The following SLC2A13 variants were observed in gnomAD, a reference collection of about 807,000 sequenced individuals.
SLC2A13 encodes the protein solute carrier family 2 member 13.
A neutral mutation model predicts 64.4 loss-of-function variants in SLC2A13; 32 were observed. That is an observed-to-expected ratio of 0.50 (90% CI 0.37 to 0.67). SLC2A13 has a LOEUF of 0.67. Among genes scored for constraint, SLC2A13 ranks in the 30% least tolerant of loss-of-function variants. The probability of loss-of-function intolerance (pLI) is 0.00; values close to 1 mark genes in which losing one functional copy is unlikely to be tolerated. For synonymous variants in SLC2A13, 338 were observed against 327.1 expected (o/e 1.03, Z -0.36); for missense variants, 743 against 829.2 (o/e 0.90, Z 1.28).
chr12:40,072,358 A>C (rs1439828142), intron 1 of SLC2A13, among the ~76,000 whole-genome samples: 2 of 152,116 alleles, frequency 1.3e-5, no homozygotes, highest in African/African-American at 2.4e-5. Flanking sequence ...AAGAATGTGT[A>C]TTCTGTTGTT....
At chr12:40,014,057 T>C (rs1947577573) in intron 3 of SLC2A13, among the ~76,000 whole-genome samples, 1 of 152,186 alleles carries the variant, frequency 6.6e-6, no homozygotes, top group Non-Finnish European at 1.5e-5. Flanking sequence ...GTACCTGATC[T>C]TATCTAGTAC....
At position 40,057,072 on chromosome 12, in the gene SLC2A13, A is replaced by G. The variant is rs1948344071; in HGVS notation, c.557-8862T>C. 1.3e-5 allele frequency among the ~76,000 whole-genome samples: 2 copies of G among 152,192 alleles called. 1 individual carries two copies. Among genetic ancestry groups the G allele is most frequent in the South Asian group, 4.1e-4 (2 of 4,836 alleles). ...AAAAGACAATAGACTAAAATTAAAT[A>G]GGGAAATGAGTAGCATAAGGAAGGA... On this transcript the variant is annotated intron_variant, in intron 1 of 9. Coordinates refer to ENST00000280871, the MANE Select transcript of SLC2A13 (RefSeq NM_052885.4).
chr12:39,898,446 T>C (rs1230539079), intron 4 of SLC2A13, among the ~76,000 whole-genome samples: 1 of 152,130 alleles, frequency 6.6e-6, no homozygotes, highest in Non-Finnish European at 1.5e-5. Flanking sequence ...GTGTGTCCAT[T>C]TGGAGAATGA....
intron 1 of SLC2A13, among the ~76,000 whole-genome samples, chr12:40,051,887 G>C (rs1373598289): frequency 2.0e-5 from 3 of 152,174 alleles, no homozygotes; most frequent in Non-Finnish European, 4.4e-5. Flanking sequence ...CAGGTTCAAT[G>C]ATCAGGATCA....
intron 6 of SLC2A13, among the ~76,000 whole-genome samples, chr12:39,856,932 A>G (rs2135907844): frequency 6.6e-6 from 1 of 152,348 alleles, no homozygotes; most frequent in Middle Eastern, 3.4e-3. Flanking sequence ...TCTTTATTAT[A>G]AGAAAATACA....
intron 2 of SLC2A13, among the ~76,000 whole-genome samples, chr12:40,032,085 C>G (rs1947914417): frequency 6.6e-6 from 1 of 152,160 alleles, no homozygotes. Context: ...AGTTTCCAGG[C>G]CCCACCCTTC....
intron 3 of SLC2A13, among the ~76,000 whole-genome samples, chr12:39,973,421 A>G (rs1946702744): frequency 6.6e-6 from 1 of 152,212 alleles, no homozygotes; most frequent in Non-Finnish European, 1.5e-5. Flanking sequence ...AATGCCCCAG[A>G]GCCCAGATTC....
At chr12:39,805,932 A>G (rs1428536908) in intron 7 of SLC2A13, among the ~76,000 whole-genome samples, 2 of 152,228 alleles carry the variant, frequency 1.3e-5, no homozygotes, top group African/African-American at 4.8e-5. Flanking sequence ...TGAATCTAAC[A>G]GCAAGAGACA....
Position 39,994,347 on chromosome 12 carries a change from T to A in SLC2A13, c.925+33954A>T, listed in dbSNP as rs1238295580. Among the ~76,000 whole-genome samples the A allele has an allele frequency of 2.8e-5, 4 of 144,806 alleles. No individual in the cohort carries two copies. In the East Asian group the frequency reaches 8.1e-4, roughly 29 times the overall value. The allele number at this position is 144,806 out of a possible 152,430, so 95.0% of individuals were successfully genotyped here. ...GCAGTGAGCCGAGATTGTGCCACTG[T>A]ACCCCAGCCTGGGCAACAGAGCGAG... On this transcript the variant is annotated intron_variant, in intron 3 of 9. Transcript: ENST00000280871.
intron 4 of SLC2A13, among the ~76,000 whole-genome samples, chr12:39,911,201 T>C (rs1022823078): frequency 6.6e-6 from 1 of 152,084 alleles, no homozygotes; most frequent in Non-Finnish European, 1.5e-5. Flanking sequence ...TTTAACAGAG[T>C]GAACATGAAA....
intron 3 of SLC2A13, among the ~76,000 whole-genome samples, chr12:40,022,561 G>A (rs929638928): frequency 1.3e-5 from 2 of 152,230 alleles, no homozygotes; most frequent in Admixed American, 1.3e-4. Context: ...TTAAGGCCGG[G>A]TGTTGTGGCT....
At chr12:39,864,647 A>T in intron 6 of SLC2A13, 115 bp downstream of exon 6, 1 of 1,387,910 alleles carries the variant, frequency 7.2e-7, no homozygotes, top group Non-Finnish European at 9.7e-7. Context: ...CCCTTCTTAC[A>T]TAAGCCTGGA....
chr12:39,986,601 G>C (rs999370277), intron 3 of SLC2A13, among the ~76,000 whole-genome samples: 1 of 151,478 alleles, frequency 6.6e-6, no homozygotes, highest in Non-Finnish European at 1.5e-5. Context: ...GTGACTGATT[G>C]CTATAAAACT....
chr12:39,864,936 C>T (rs1371752281), intron 5 of SLC2A13, 54 bp from the exon 6 acceptor site: 12 of 1,504,038 alleles, frequency 8.0e-6, no homozygotes, highest in Non-Finnish European at 9.8e-6. Flanking sequence ...TGTTTTAAGG[C>T]AGACTGGGTT....
chr12:39,930,130 C>T (rs867220743), intron 4 of SLC2A13, among the ~76,000 whole-genome samples: 5 of 95,898 alleles, frequency 5.2e-5, no homozygotes, highest in South Asian at 7.2e-4. Context: ...GACTTCGTCT[C>T]AAAAAAAAAA....
chr12:39,967,265 T>A (rs1289481468), intron 3 of SLC2A13, among the ~76,000 whole-genome samples: 1 of 152,220 alleles, frequency 6.6e-6, no homozygotes, highest in Non-Finnish European at 1.5e-5. Flanking sequence ...AAGTCTAGCA[T>A]TATATTCATT....
At chr12:39,857,788 C>G (rs1943645845) in intron 6 of SLC2A13, among the ~76,000 whole-genome samples, 1 of 152,126 alleles carries the variant, frequency 6.6e-6, no homozygotes, top group South Asian at 2.1e-4. Flanking sequence ...CTCGTTATGA[C>G]CCAGTCTTGT....
rs1214816250 is a variant in SLC2A13, at chr12:40,065,826, AGT to A, written c.557-17618_557-17617del. On this transcript the variant is annotated intron_variant, in intron 1 of 9. Transcript: ENST00000280871. Reference sequence around the variant, plus strand: ...CCTACCATGAGGCAGGTTTTACATAAGTGTTTTATTTCAAAGTCTCACAAAAG... The same window carrying A: ...CCTACCATGAGGCAGGTTTTACATAAGTTTTATTTCAAAGTCTCACAAAAG... Among the ~76,000 whole-genome samples, 6 of 152,190 alleles carry A rather than the reference AGT, an allele frequency of 3.9e-5. No individual in the cohort carries two copies. In the South Asian group the frequency reaches 1.0e-3, roughly 26 times the overall value.
intron 3 of SLC2A13, among the ~76,000 whole-genome samples, chr12:39,981,920 A>G (rs1450253696): frequency 2.9e-5 from 3 of 103,986 alleles, no homozygotes; most frequent in Middle Eastern, 7.6e-3. Context: ...TGATGCAAAA[A>G]TCCTCAATAA....
Sources: gnomAD v4.1 joint callset for allele counts (sites outside exome capture counted in the v4.1 genomes callset) on GRCh38, gnomAD v4.1.1 for gene constraint, MANE v1.5 for transcripts, NCBI Gene and HGNC (gene_info 2026-07-23, HGNC 2026-07-21) for gene names.